LMX1B: variants seen among roughly 807,000 people sequenced by gnomAD.
LMX1B encodes the protein LIM homeobox transcription factor 1 beta.
A neutral mutation model predicts 51.4 loss-of-function variants in LMX1B; 12 were observed. That is an observed-to-expected ratio of 0.23 (90% CI 0.15 to 0.38). The LOEUF is 0.38. Ranked by LOEUF, LMX1B falls within the 10% of genes least tolerant of loss-of-function variation. LMX1B has a pLI of 1.00. For synonymous variants in LMX1B, 237 were observed against 235.4 expected (o/e 1.01, Z -0.06); for missense variants, 445 against 571.1 (o/e 0.78, Z 2.25).
Position 126,693,806 on chromosome 9 carries a change from GGCCAGGGTGA to G in LMX1B, c.884_886+7del. The G allele has an allele frequency of 7.4e-7, 1 of 1,359,016 alleles. No homozygotes were observed. Among genetic ancestry groups the G allele is most frequent in the Non-Finnish European group, 1.0e-6 (1 of 982,668 alleles). 84.2% of individuals were successfully genotyped at this position (1,359,016 alleles called of 1,614,324 possible). On this transcript the variant is annotated splice_donor_variant and splice_donor_region_variant and coding_sequence_variant and intron_variant, in exon 6 of 8. Coordinates refer to ENST00000373474, the MANE Select transcript of LMX1B (RefSeq NM_001174147.2). LOFTEE classifies it high-confidence loss of function. ...GGAGCAGCAGAACTCCCAGCGGCTG[GGCCAGGGTGA>G]GCCGGGGCCGGGGCAGGGCCTGGGC...
chr9:126,693,473 C>T (rs2030213339), intron 4 of LMX1B, 51 bp from the exon 5 acceptor site: 2 of 1,595,654 alleles, frequency 1.3e-6, no homozygotes, highest in Non-Finnish European at 1.7e-6. Context: ...CCCACCATCT[C>T]CCCGTTGCTG....
chr9:126,628,141 G>T (rs1316930361), intron 2 of LMX1B, among the ~76,000 whole-genome samples: 1 of 152,208 alleles, frequency 6.6e-6, no homozygotes, highest in Non-Finnish European at 1.5e-5. Flanking sequence ...CATCTTTCTT[G>T]TCTCTGACTC....
chr9:126,649,050 CAG>C (rs1272761393), intron 2 of LMX1B, among the ~76,000 whole-genome samples: 1 of 152,120 alleles, frequency 6.6e-6, no homozygotes, highest in Non-Finnish European at 1.5e-5. Context: ...ACCATCTTCC[CAG>C]GTACTTAGGT....
chr9:126,616,783 A>T (rs1835310531), intron 2 of LMX1B, among the ~76,000 whole-genome samples: 2 of 152,204 alleles, frequency 1.3e-5, no homozygotes, highest in Non-Finnish European at 2.9e-5. Flanking sequence ...CAACTGTTTA[A>T]CTGAGGCCTG....
chr9:126,691,265 G>A (rs1237945096), intron 3 of LMX1B, among the ~76,000 whole-genome samples, 197 bp downstream of exon 3: 1 of 152,072 alleles, frequency 6.6e-6, no homozygotes, highest in African/African-American at 2.4e-5. Flanking sequence ...CATCCCCCCA[G>A]GCACACTACC....
chr9:126,623,788 C>T (rs115880872), intron 2 of LMX1B, among the ~76,000 whole-genome samples: 2 of 152,192 alleles, frequency 1.3e-5, no homozygotes, highest in Non-Finnish European at 2.9e-5. Flanking sequence ...TAGGGCCAGC[C>T]CTGGCCAGCG....
At position 126,641,843 on chromosome 9, in the gene LMX1B, G is replaced by A. The variant is rs1000592374; in HGVS notation, c.326+26274G>A. 2.0e-5 allele frequency among the ~76,000 whole-genome samples: 3 copies of A among 152,150 alleles called. No homozygotes were observed. Among genetic ancestry groups the A allele is most frequent in the Admixed American group, 6.5e-5 (1 of 15,268 alleles). ...TGCCACTCACGCGTGAGCAATTGTGGTCACAGCTGATGTGCCCCCATCCCA... is the reference window on the plus strand; with the variant it reads ...TGCCACTCACGCGTGAGCAATTGTGATCACAGCTGATGTGCCCCCATCCCA... On this transcript the variant is annotated intron_variant, in intron 2 of 7. Transcript: ENST00000373474. This position sits in a 1 kb window ranked among gnomAD's most constrained non-coding sequence, Gnocchi z 4.1.
chr9:126,621,862 G>A (rs547050273), intron 2 of LMX1B, among the ~76,000 whole-genome samples: 13 of 152,220 alleles, frequency 8.5e-5, no homozygotes, highest in Non-Finnish European at 1.8e-4. Context: ...GCGGTGAGGA[G>A]TGGTGGGGCA....
intron 2 of LMX1B, among the ~76,000 whole-genome samples, chr9:126,654,289 C>T (rs1836072196): frequency 6.6e-6 from 1 of 152,236 alleles, no homozygotes. Flanking sequence ...TGCCCCCTGG[C>T]TGGGCTCCCA....
intron 2 of LMX1B, among the ~76,000 whole-genome samples, chr9:126,637,361 C>A (rs1466018135): frequency 1.3e-5 from 2 of 152,154 alleles, no homozygotes; most frequent in Non-Finnish European, 2.9e-5. Flanking sequence ...CTGCACGTCA[C>A]CCTCTGTGCC....
intron 2 of LMX1B, among the ~76,000 whole-genome samples, chr9:126,635,640 G>A (rs1179458473): frequency 6.6e-6 from 1 of 152,174 alleles, no homozygotes; most frequent in Non-Finnish European, 1.5e-5. Context: ...CCAAATCAGG[G>A]GTTCCAGCAA....
chr9:126,629,326 A>G (rs1200871348), intron 2 of LMX1B, among the ~76,000 whole-genome samples: 1 of 152,204 alleles, frequency 6.6e-6, no homozygotes, highest in East Asian at 1.9e-4. Context: ...CAGCAATAAT[A>G]ACGCCAGCTG....
At position 126,696,017 on chromosome 9, in the gene LMX1B, C is replaced by CCGGGGGGG; in HGVS notation, c.1051+15_1051+16insGGGGGGGC. 1.3e-6 allele frequency: 2 copies of CCGGGGGGG among 1,497,326 alleles called. No individual in the cohort carries two copies. The highest frequency in any genetic ancestry group is 8.9e-7 in the Non-Finnish European group (1 of 1,122,896). The allele number at this position is 1,497,326 out of a possible 1,614,324, so 92.8% of individuals were successfully genotyped here. A position where few individuals can be genotyped will look rare whatever the true frequency, so the allele number is the denominator to read the frequency against. On this transcript the variant is annotated intron_variant, in intron 7 of 7. Transcript: ENST00000373474. ...TGAACCCCTATGGTAAGCCGCCCTA[C>CCGGGGGGG]CCCCACCCGCCCGCCCCAGCACAGC...
chr9:126,637,366 T>G (rs1292668800), intron 2 of LMX1B, among the ~76,000 whole-genome samples: 1 of 152,166 alleles, frequency 6.6e-6, no homozygotes, highest in South Asian at 2.1e-4. Context: ...CGTCACCCTC[T>G]GTGCCTGTGG....
rs1835525728 is a variant in LMX1B, at chr9:126,626,165, C to A, written c.326+10596C>A. Among the ~76,000 whole-genome samples, 1 of 152,180 alleles carries A rather than the reference C, an allele frequency of 6.6e-6. No individual in the cohort carries two copies. Among genetic ancestry groups the A allele is most frequent in the East Asian group, 1.9e-4 (1 of 5,172 alleles). On this transcript the variant is annotated intron_variant, in intron 2 of 7. Transcript: ENST00000373474. The surrounding 1 kb of genome is among the most constrained non-coding windows in gnomAD (Gnocchi z 4.3). ...GGCTCCCTGGCCTCCTATTAGAACT[C>A]GTAGAGGATCCGCTCTGGAGTCCCC...
In LMX1B at chr9:126,625,740, G is replaced by T. The variant is rs1004356442; in HGVS notation, c.326+10171G>T. On this transcript the variant is annotated intron_variant, in intron 2 of 7. Coordinates refer to ENST00000373474, the MANE Select transcript of LMX1B (RefSeq NM_001174147.2). The surrounding 1 kb of genome is among the most constrained non-coding windows in gnomAD (Gnocchi z 5.3). ...CGCCGCCACCCTCGTCCCACCGTTT[G>T]CAGGGCTTTCCTGCGGCGCTCTGGC... 1.3e-5 allele frequency among the ~76,000 whole-genome samples: 2 copies of T among 152,214 alleles called. No homozygotes were observed. Among genetic ancestry groups the T allele is most frequent in the African/African-American group, 4.8e-5 (2 of 41,462 alleles).
chr9:126,693,825 C>T lies in LMX1B; in HGVS notation c.886+13C>T, dbSNP rs1295587707. 12 of 1,199,606 alleles carry T rather than the reference C, an allele frequency of 1.0e-5. No individual in the cohort carries two copies. The highest frequency in any genetic ancestry group is 2.6e-5 in the South Asian group (2 of 77,388). The allele number at this position is 1,199,606 out of a possible 1,614,324, so 74.3% of individuals were successfully genotyped here. A position where few individuals can be genotyped will look rare whatever the true frequency, so the allele number is the denominator to read the frequency against. ...CGGCTGGGCCAGGGTGAGCCGGGGCCGGGGCAGGGCCTGGGCCAGGGTGAG... is the reference window on the plus strand; with the variant it reads ...CGGCTGGGCCAGGGTGAGCCGGGGCTGGGGCAGGGCCTGGGCCAGGGTGAG... On this transcript the variant is annotated intron_variant, in intron 6 of 7. Transcript: ENST00000373474.
At position 126,696,439 on chromosome 9, in the gene LMX1B, C is replaced by T. The variant is rs768416794; in HGVS notation, c.1197C>T (p.Tyr399=). ...GGCTCTACTCCATGCAGAGTTCCTACTTCGCCTCCTGAGAGCCAGCCAGGC... is the reference window on the plus strand; with the variant it reads ...GGCTCTACTCCATGCAGAGTTCCTATTTCGCCTCCTGAGAGCCAGCCAGGC... The part of the protein sequence containing the change: ...IDRLYSMQSS[Y]FAS The change falls in exon 8 of 8, where the codon TAC becomes TAT. Residue 399 remains tyrosine, a synonymous_variant. Transcript: ENST00000373474. 25 of 1,614,004 alleles carry T rather than the reference C, an allele frequency of 1.5e-5. No homozygotes were observed. Among genetic ancestry groups the T allele is most frequent in the Non-Finnish European group, 2.1e-5 (25 of 1,179,952 alleles).
At chr9:126,647,154 A>G (rs1397723973) in intron 2 of LMX1B, among the ~76,000 whole-genome samples, 1 of 152,046 alleles carries the variant, frequency 6.6e-6, no homozygotes, top group African/African-American at 2.4e-5. Context: ...GTGTGCTATG[A>G]TGGCACCTGT....
Sources: gnomAD v4.1 joint callset for allele counts (sites outside exome capture counted in the v4.1 genomes callset) on GRCh38, gnomAD v4.1.1 for gene constraint, Gnocchi (gnomAD v3.1) non-coding constraint, MANE v1.5 for transcripts, NCBI Gene and HGNC (gene_info 2026-07-23, HGNC 2026-07-21) for gene names.